ELMO1: variants seen among roughly 807,000 people sequenced by gnomAD.
ELMO1 encodes the protein engulfment and cell motility protein 1.
A neutral mutation model predicts 98.9 loss-of-function variants in ELMO1; 26 were observed. The observed-to-expected ratio is 0.26, with a 90% CI of 0.19 to 0.36. ELMO1 has a LOEUF of 0.36. Ranked by LOEUF, ELMO1 falls within the 10% of genes least tolerant of loss-of-function variation. The pLI, the probability that ELMO1 is intolerant of heterozygous loss-of-function variation, is 1.00. For missense variants in ELMO1, 627 were observed against 935.2 expected (o/e 0.67, Z 4.30); for synonymous variants, 346 against 346.0 (o/e 1.00, Z 0.00).
rs757405131 is a variant in ELMO1 at position 36,855,530 on chromosome 7, G to C, written c.*21C>G. On this transcript the variant is annotated 3_prime_UTR_variant, in exon 22 of 22. Coordinates refer to ENST00000310758, the MANE Select transcript of ELMO1 (RefSeq NM_014800.11). This position sits in a 1 kb window ranked among gnomAD's most constrained non-coding sequence, Gnocchi z 4.2. ...GCTAGGTGTTCCAGTTTTGGAAGGG[G>C]CATGTCTGGGCCCGGCCACTTCAGT... 22 of 1,613,372 alleles carry C rather than the reference G, an allele frequency of 1.4e-5. No homozygotes were observed. In the South Asian group the frequency reaches 2.3e-4, roughly 17 times the overall value.
intron 13 of ELMO1, among the ~76,000 whole-genome samples, chr7:37,134,457 G>T (rs1160097357): frequency 6.6e-6 from 1 of 151,790 alleles, no homozygotes; most frequent in African/African-American, 2.4e-5. Flanking sequence ...TACTCGAGAG[G>T]TGGAGGCAGG....
chr7:37,180,276 G>GT (rs1259292912), intron 13 of ELMO1, among the ~76,000 whole-genome samples: 3 of 152,118 alleles, frequency 2.0e-5, no homozygotes, highest in Non-Finnish European at 4.4e-5. Context: ...GCCATCACTG[G>GT]TTTTTGTAGG....
rs151158783 is a variant in ELMO1 at position 37,082,088 on chromosome 7, A to G, written c.1300+14531T>C. ...TATGACTTGCAGAAATGTTAATAGC[A>G]TTTGCATTTAGGTTCATTTCTTCCT... On this transcript the variant is annotated intron_variant, in intron 15 of 21. Coordinates refer to ENST00000310758, the MANE Select transcript of ELMO1 (RefSeq NM_014800.11). Among the ~76,000 whole-genome samples, 1,360 of 152,298 alleles carry G rather than the reference A, an allele frequency of 8.9e-3. 6 individuals carry two copies. The highest frequency in any genetic ancestry group is 0.014 in the Middle Eastern group (4 of 294).
In ELMO1 at chr7:36,854,220, A is replaced by G. The variant is rs952982071; in HGVS notation, c.*1331T>C. 1 of 152,144 alleles carries G rather than the reference A, an allele frequency of 6.6e-6. No homozygotes were observed. Among genetic ancestry groups the G allele is most frequent in the African/African-American group, 2.4e-5 (1 of 41,422 alleles). 9.4% of individuals were successfully genotyped at this position (152,144 alleles called of 1,614,324 possible). Reference sequence around the variant, plus strand: ...GGGTTTCCCACAGCAGTGTTTTTCAAACCAATGTACATAAACATCACCCAA... The same window carrying G: ...GGGTTTCCCACAGCAGTGTTTTTCAGACCAATGTACATAAACATCACCCAA... On this transcript the variant is annotated 3_prime_UTR_variant, in exon 22 of 22. Transcript: ENST00000310758.
At chr7:36,945,512 G>A (rs1286307321) in intron 16 of ELMO1, among the ~76,000 whole-genome samples, 2 of 152,204 alleles carry the variant, frequency 1.3e-5, no homozygotes, top group African/African-American at 4.8e-5. Context: ...CGATCATTTA[G>A]AATGTCATTA....
intron 17 of ELMO1, among the ~76,000 whole-genome samples, chr7:36,894,530 T>G (rs965217000): frequency 6.6e-6 from 1 of 152,170 alleles, no homozygotes; most frequent in South Asian, 2.1e-4. Context: ...GAAATATAGT[T>G]TTACTGGTCA....
intron 13 of ELMO1, among the ~76,000 whole-genome samples, chr7:37,152,595 A>G (rs144081498): frequency 3.9e-5 from 6 of 152,358 alleles, no homozygotes; most frequent in African/African-American, 1.4e-4. Context: ...GCATGTGCAC[A>G]TGTATACACA....
chr7:37,352,485 T>C (rs945624339), intron 1 of ELMO1, among the ~76,000 whole-genome samples: 1 of 152,256 alleles, frequency 6.6e-6, no homozygotes, highest in Non-Finnish European at 1.5e-5. Flanking sequence ...AATGTCCATA[T>C]GCAATCTATA....
chr7:37,174,664 A>G (rs1284715936), intron 13 of ELMO1, among the ~76,000 whole-genome samples: 1 of 152,222 alleles, frequency 6.6e-6, no homozygotes, highest in African/African-American at 2.4e-5. Flanking sequence ...CATGGGTACA[A>G]CAAACTCCAG....
chr7:37,132,179 G>A (rs1408847024), intron 14 of ELMO1, among the ~76,000 whole-genome samples: 1 of 152,172 alleles, frequency 6.6e-6, no homozygotes, highest in Non-Finnish European at 1.5e-5. Context: ...GATAGTGCCA[G>A]GCTCGAACCC....
At chr7:37,310,028 T>G (rs866585830) in intron 4 of ELMO1, among the ~76,000 whole-genome samples, 1 of 152,148 alleles carries the variant, frequency 6.6e-6, no homozygotes, top group Admixed American at 6.5e-5. Flanking sequence ...CCAGGGATTC[T>G]GGGAGGTTCA....
chr7:37,446,062 C>G (rs1805599556), intron 1 of ELMO1, among the ~76,000 whole-genome samples: 2 of 152,186 alleles, frequency 1.3e-5, no homozygotes, highest in South Asian at 4.1e-4. Context: ...GAAGAGTGGC[C>G]TGGCATGGGG....
chr7:37,118,532 T>C (rs1163650834), intron 14 of ELMO1, among the ~76,000 whole-genome samples: 1 of 152,162 alleles, frequency 6.6e-6, no homozygotes, highest in Non-Finnish European at 1.5e-5. Context: ...GATGAAAAGA[T>C]AAACACCGAG....
intron 4 of ELMO1, among the ~76,000 whole-genome samples, chr7:37,282,400 A>C (rs184717402): frequency 6.6e-6 from 1 of 152,142 alleles, no homozygotes; most frequent in Non-Finnish European, 1.5e-5. Flanking sequence ...CCATTTCTTA[A>C]TCATCACAGA....
At chr7:37,193,558 G>A (rs1050772058) in intron 13 of ELMO1, among the ~76,000 whole-genome samples, 1 of 152,160 alleles carries the variant, frequency 6.6e-6, no homozygotes, top group Admixed American at 6.6e-5. Flanking sequence ...CCCTGCAGGA[G>A]CTTAGAGGCA....
rs71553094 is a variant in ELMO1 at position 37,005,692 on chromosome 7, C to CAAAA, written c.1437+7603_1437+7606dup. Among the ~76,000 whole-genome samples, 24 of 37,504 alleles carry CAAAA rather than the reference C, an allele frequency of 6.4e-4. 1 individual carries two copies. The highest frequency in any genetic ancestry group is 1.5e-3 in the South Asian group (1 of 678). The allele number at this position is 37,504 out of a possible 152,430, so 24.6% of individuals were successfully genotyped here. On this transcript the variant is annotated intron_variant, in intron 16 of 21. Transcript: ENST00000310758. The stretch of plus-strand genomic sequence containing the variant: ...GGGTGACAAGAGCGAGACTCTGTCT[C>CAAAA]AAAAAAAAAAAAAAAAAAAAAAAAA...
At chr7:37,086,049 GTCTC>G (rs1783750512) in intron 15 of ELMO1, among the ~76,000 whole-genome samples, 1 of 152,180 alleles carries the variant, frequency 6.6e-6, no homozygotes, top group Admixed American at 6.5e-5. Flanking sequence ...GCGGCAGTGC[GTCTC>G]TCTCAGATCT....
chr7:37,173,007 G>C (rs1477314851), intron 13 of ELMO1, among the ~76,000 whole-genome samples: 1 of 152,170 alleles, frequency 6.6e-6, no homozygotes, highest in East Asian at 1.9e-4. Context: ...AAATTGAGTT[G>C]AGATGGATAT....
intron 1 of ELMO1, among the ~76,000 whole-genome samples, chr7:37,389,502 G>A (rs1233729481): frequency 1.3e-5 from 2 of 152,106 alleles, no homozygotes; most frequent in African/African-American, 4.8e-5. Flanking sequence ...TTCCTCTAGC[G>A]GAAGCAATGA....
Sources: allele counts gnomAD v4.1 joint callset (sites outside exome capture counted in the v4.1 genomes callset), GRCh38; gene constraint gnomAD v4.1.1; non-coding constraint Gnocchi (gnomAD v3.1); transcripts MANE v1.5; gene names NCBI Gene and HGNC (gene_info 2026-07-23, HGNC 2026-07-21).